Variants in MYO16 observed in about 807,000 individuals in gnomAD.
The protein encoded by MYO16 is unconventional myosin-XVI.
A neutral mutation model predicts 205.3 loss-of-function variants in MYO16; 94 were observed. That is an observed-to-expected ratio of 0.46 (90% CI 0.39 to 0.54). MYO16 has a LOEUF of 0.54. Among genes scored for constraint, MYO16 ranks in the 20% least tolerant of loss-of-function variants. The pLI is 0.00. For missense variants in MYO16, 2,315 were observed against 2,387.5 expected (o/e 0.97, Z 0.63); for synonymous variants, 988 against 954.0 (o/e 1.04, Z -0.66).
chr13:109,170,788 T>C (rs1878893123), intron 33 of MYO16, among the ~76,000 whole-genome samples: 1 of 152,116 alleles, frequency 6.6e-6, no homozygotes, highest in Non-Finnish European at 1.5e-5. Flanking sequence ...ATCCATGAAA[T>C]TAATAATATA....
At chr13:108,701,884 G>T (rs938159467) in intron 2 of MYO16, among the ~76,000 whole-genome samples, 56 of 152,044 alleles carry the variant, frequency 3.7e-4, no homozygotes, top group African/African-American at 1.3e-3. Flanking sequence ...CAAACAAATA[G>T]AAATTCTGAA....
At chr13:108,779,340 T>C (rs1439916785) in intron 4 of MYO16, among the ~76,000 whole-genome samples, 1 of 152,176 alleles carries the variant, frequency 6.6e-6, no homozygotes, top group East Asian at 1.9e-4. Context: ...AAATAACTAC[T>C]AACTAGTAAA....
chr13:108,660,609 G>T (rs565706741), intron 1 of MYO16, among the ~76,000 whole-genome samples: 2 of 152,152 alleles, frequency 1.3e-5, no homozygotes, highest in Non-Finnish European at 2.9e-5. Context: ...CTTCCTTTTG[G>T]TGTCCATTTG....
intron 16 of MYO16, among the ~76,000 whole-genome samples, chr13:108,950,667 C>T (rs1448922870): frequency 1.3e-5 from 2 of 152,146 alleles, no homozygotes; most frequent in African/African-American, 2.4e-5. Flanking sequence ...ATGCAACTAC[C>T]GTATGACCCA....
chr13:108,573,774 A>G, the MYO16 span, among the ~76,000 whole-genome samples: 1 of 152,194 alleles, frequency 6.6e-6, no homozygotes, highest in Non-Finnish European at 1.5e-5. Context: ...TAAAAGTCAA[A>G]CTAATAAATA....
intron 1 of MYO16, among the ~76,000 whole-genome samples, chr13:108,622,281 A>G (rs1386447175): frequency 6.6e-6 from 1 of 152,176 alleles, no homozygotes; most frequent in Non-Finnish European, 1.5e-5. Flanking sequence ...TGATGGTTGG[A>G]ATTGTACTTG....
At chr13:108,705,225 C>G (rs1007467074) in intron 2 of MYO16, among the ~76,000 whole-genome samples, 3 of 152,204 alleles carry the variant, frequency 2.0e-5, no homozygotes, top group African/African-American at 7.2e-5. Flanking sequence ...AGCATATACA[C>G]TGTGTACACT....
chr13:108,887,073 A>C (rs899655210), intron 13 of MYO16, among the ~76,000 whole-genome samples: 2 of 152,206 alleles, frequency 1.3e-5, no homozygotes, highest in African/African-American at 4.8e-5. Flanking sequence ...GTTGTGTCCC[A>C]GAACGAGCAC....
At chr13:108,778,771 A>G (rs1886207559) in intron 4 of MYO16, among the ~76,000 whole-genome samples, 1 of 152,238 alleles carries the variant, frequency 6.6e-6, no homozygotes, top group East Asian at 1.9e-4. Flanking sequence ...TCAGCAACCT[A>G]CACAATTACA....
intron 24 of MYO16, among the ~76,000 whole-genome samples, chr13:109,049,585 T>A (rs34768440): frequency 3.8e-5 from 2 of 52,574 alleles, no homozygotes; most frequent in South Asian, 1.4e-3. Context: ...TCTTTTTAAA[T>A]TTTTTTTTGT....
chr13:108,725,588 T>A (rs1458025295), intron 3 of MYO16, among the ~76,000 whole-genome samples: 1 of 152,194 alleles, frequency 6.6e-6, no homozygotes, highest in Non-Finnish European at 1.5e-5. Context: ...GTTTTCAGTC[T>A]GGTTGGCAGG....
At position 108,773,049 on chromosome 13, in the gene MYO16, C is replaced by T. The variant is rs552745873; in HGVS notation, c.508-12586C>T. Among the ~76,000 whole-genome samples the T allele has an allele frequency of 1.9e-4, 29 of 152,250 alleles. No homozygotes were observed. The South Asian group carries it at 5.2e-3, about 27-fold the overall frequency. On this transcript the variant is annotated intron_variant, in intron 4 of 34. Coordinates refer to ENST00000457511, the MANE Select transcript of MYO16 (RefSeq NM_001198950.3). ...GTTTGGTGAAAGCCCACTTCCTAGT[C>T]TTCATAGTTGGCTATCTTCGTACTG...
At chr13:108,701,598 A>G (rs1300852077) in intron 2 of MYO16, among the ~76,000 whole-genome samples, 1 of 152,230 alleles carries the variant, frequency 6.6e-6, no homozygotes, top group Non-Finnish European at 1.5e-5. Flanking sequence ...CAGTCTGTGC[A>G]TTCTGTTATA....
chr13:108,872,221 A>G (rs1302882943), intron 12 of MYO16, among the ~76,000 whole-genome samples: 1 of 152,258 alleles, frequency 6.6e-6, no homozygotes, highest in African/African-American at 2.4e-5. Context: ...ACAGTGAGAC[A>G]AAAGTCAGCT....
chr13:109,137,133 C>T (rs947086490), intron 31 of MYO16, among the ~76,000 whole-genome samples: 1 of 152,184 alleles, frequency 6.6e-6, no homozygotes, highest in Non-Finnish European at 1.5e-5. Flanking sequence ...CTCTCCCTCA[C>T]CTCCACGTAG....
At chr13:109,023,662 TATATGCAA>T (rs1886219152) in intron 23 of MYO16, among the ~76,000 whole-genome samples, 1 of 127,068 alleles carries the variant, frequency 7.9e-6, no homozygotes, top group Non-Finnish European at 1.6e-5. Context: ...TATATATGTA[TATATGCAA>T]ATATATGTAT....
At chr13:108,653,631 G>A (rs1881109645) in intron 1 of MYO16, among the ~76,000 whole-genome samples, 1 of 151,396 alleles carries the variant, frequency 6.6e-6, no homozygotes, top group Admixed American at 6.6e-5. Flanking sequence ...TTATTTTTCA[G>A]TTTTGAAAAC....
intron 4 of MYO16, among the ~76,000 whole-genome samples, chr13:108,767,412 AT>A (rs920918409): frequency 2.0e-5 from 3 of 152,022 alleles, no homozygotes; most frequent in Admixed American, 2.0e-4. Flanking sequence ...GTATCTGGGT[AT>A]TTTTTTAAGA....
chr13:108,653,862 G>C (rs958849992), intron 1 of MYO16, among the ~76,000 whole-genome samples: 13 of 151,796 alleles, frequency 8.6e-5, no homozygotes, highest in African/African-American at 3.1e-4. Flanking sequence ...GAAGAGTCAG[G>C]TGCACATTCC....
Sources: allele counts gnomAD v4.1 joint callset (sites outside exome capture counted in the v4.1 genomes callset), GRCh38; gene constraint gnomAD v4.1.1; transcripts MANE v1.5; gene names NCBI Gene and HGNC (gene_info 2026-07-23, HGNC 2026-07-21).